SCRN3: variants seen among roughly 807,000 people sequenced by gnomAD.
SCRN3 encodes the protein secernin 3, also known as secernin-3.
A neutral mutation model predicts 43.1 loss-of-function variants in SCRN3; 39 were observed. The ratio of observed to expected loss-of-function variants is 0.91; its 90% confidence interval spans 0.70 to 1.18. The LOEUF (loss-of-function observed/expected upper bound fraction) is 1.18. Among genes scored for constraint, SCRN3 ranks in the 50% most tolerant of loss-of-function variants. SCRN3 has a pLI of 0.00. For missense variants in SCRN3, 484 were observed against 498.0 expected (o/e 0.97, Z 0.27); for synonymous variants, 147 against 163.1 (o/e 0.90, Z 0.75).
At chr2:174,429,705 G>A (rs560858641), downstream of SCRN3, 1 of 152,180 alleles carries the variant, frequency 6.6e-6, no homozygotes, top group East Asian at 1.9e-4. Flanking sequence ...ATTATAAAAT[G>A]ACATGTATCC....
intron 5 of SCRN3, among the ~76,000 whole-genome samples, chr2:174,416,668 A>G (rs183061272): frequency 1.9e-3 from 285 of 152,300 alleles, no homozygotes; most frequent in African/African-American, 6.7e-3. Flanking sequence ...GAAAGTCAAG[A>G]TATTAACTCA....
Position 174,427,932 on chromosome 2 carries a change from C to A in SCRN3, c.*37C>A. 2 of 1,345,380 alleles carry A rather than the reference C, an allele frequency of 1.5e-6. No homozygotes were observed. The highest frequency in any genetic ancestry group is 2.6e-5 in the South Asian group (2 of 76,128). The allele number at this position is 1,345,380 out of a possible 1,614,324, so 83.3% of individuals were successfully genotyped here. A position where few individuals can be genotyped will look rare whatever the true frequency, so the allele number is the denominator to read the frequency against. On this transcript the variant is annotated 3_prime_UTR_variant, in exon 8 of 8. Coordinates refer to ENST00000272732, the MANE Select transcript of SCRN3 (RefSeq NM_024583.5). The stretch of plus-strand genomic sequence containing the variant: ...TCAGCTAATATTAGTTCTTAGTGAT[C>A]AGTGGTCAGTAATCTTCAAAGTCAG...
At chr2:174,414,519 A>G (rs984600923) in intron 5 of SCRN3, among the ~76,000 whole-genome samples, 4 of 152,184 alleles carry the variant, frequency 2.6e-5, no homozygotes, top group Non-Finnish European at 5.9e-5. Flanking sequence ...TATGATGTAG[A>G]TCATTCTGTT....
At chr2:174,425,417 A>G (rs981530409) in intron 7 of SCRN3, among the ~76,000 whole-genome samples, 1 of 152,086 alleles carries the variant, frequency 6.6e-6, no homozygotes, top group Admixed American at 6.6e-5. Context: ...AACCATCTTA[A>G]ATCTTTTCTC....
At chr2:174,402,232 A>G (rs1210252355) in intron 4 of SCRN3, among the ~76,000 whole-genome samples, 1 of 152,228 alleles carries the variant, frequency 6.6e-6, no homozygotes, top group African/African-American at 2.4e-5. Flanking sequence ...AGAACTGAAT[A>G]AATACATTTT....
chr2:174,406,529 C>G (rs374718889), intron 5 of SCRN3, among the ~76,000 whole-genome samples: 1 of 149,934 alleles, frequency 6.7e-6, no homozygotes, highest in African/African-American at 2.4e-5. Flanking sequence ...GCATCCCTGT[C>G]TTGTGCCAGT....
intron 5 of SCRN3, among the ~76,000 whole-genome samples, chr2:174,419,980 A>G (rs969707109): frequency 1.3e-5 from 2 of 152,098 alleles, no homozygotes; most frequent in African/African-American, 4.8e-5. Context: ...AAGAGTACAC[A>G]AAAGAGTAGA....
At chr2:174,400,162 A>C in intron 3 of SCRN3, 59 bp downstream of exon 3, 1 of 1,246,316 alleles carries the variant, frequency 8.0e-7, no homozygotes. Context: ...TTTTTGTGTA[A>C]CTCTTACTTG....
At chr2:174,413,586 CTTTTTTTTTTT>C (rs10524979) in intron 5 of SCRN3, among the ~76,000 whole-genome samples, 1 of 90,226 alleles carries the variant, frequency 1.1e-5, no homozygotes, top group South Asian at 4.4e-4. Context: ...TTTGTCTTTC[CTTTTTTTTTTT>C]TTTTTTTTTT....
intron 5 of SCRN3, among the ~76,000 whole-genome samples, chr2:174,415,087 G>A (rs1269502159): frequency 1.3e-5 from 2 of 152,096 alleles, no homozygotes; most frequent in Non-Finnish European, 2.9e-5. Context: ...CCAGCCCCAT[G>A]ACTATTTTCT....
Position 174,428,423 on chromosome 2 carries a change from C to T in SCRN3, c.*528C>T, listed in dbSNP as rs576313689. 5 of 152,712 alleles carry T rather than the reference C, an allele frequency of 3.3e-5. No homozygotes were observed. The highest frequency in any genetic ancestry group is 9.6e-5 in the African/African-American group (4 of 41,556). The allele number at this position is 152,712 out of a possible 1,614,324, so 9.5% of individuals were successfully genotyped here. On this transcript the variant is annotated 3_prime_UTR_variant, in exon 8 of 8. Transcript: ENST00000272732. ...ATACAGTATATTAGTTCTGCAAATG[C>T]ACTTTTGTTAAACTCAAACATGCTC...
rs569449324 is a variant in SCRN3, at chr2:174,423,008, C to T, written c.878C>T (p.Pro293Leu). The T allele has an allele frequency of 6.2e-7, 1 of 1,613,560 alleles. No homozygotes were observed. Among genetic ancestry groups the T allele is most frequent in the South Asian group, 1.1e-5 (1 of 91,012 alleles). ...VSILPQDSSLPCIHFFTGTPD... is the reference protein window; with the variant it reads ...VSILPQDSSLLCIHFFTGTPD... Reference sequence around the variant, plus strand: ...ATTTTACCTCAAGACTCCAGCCTTCCTTGCATTCACTTCTTTACAGGGACT... The same window carrying T: ...ATTTTACCTCAAGACTCCAGCCTTCTTTGCATTCACTTCTTTACAGGGACT... Residue 293 changes from proline (P) to leucine (L), a missense_variant, in exon 6 of 8, where the codon CCT (proline) becomes CTT (leucine). Transcript: ENST00000272732.
At chr2:174,420,853 T>C (rs1377120537) in intron 5 of SCRN3, among the ~76,000 whole-genome samples, 2 of 151,980 alleles carry the variant, frequency 1.3e-5, no homozygotes, top group Admixed American at 6.6e-5. Context: ...ATACATAAGA[T>C]TGGAGACTCA....
At position 174,404,112 on chromosome 2, in the gene SCRN3, G is replaced by T; in HGVS notation, c.551G>T (p.Arg184Leu). 1 of 1,612,586 alleles carries T rather than the reference G, an allele frequency of 6.2e-7. No individual in the cohort carries two copies. Among genetic ancestry groups the T allele is most frequent in the Non-Finnish European group, 8.5e-7 (1 of 1,178,986 alleles). ...WAAEKVQEGVRNISNQLSITT... is the reference protein window; with the variant it reads ...WAAEKVQEGVLNISNQLSITT... ...TCTTCTTTGAAAATAGAGGGAGTTC[G>T]TAATATTTCTAATCAACTTTCCATA... Residue 184 changes from arginine to leucine, a missense_variant, in exon 5 of 8, where the codon CGT (arginine) becomes CTT (leucine). Transcript: ENST00000272732.
In SCRN3 at chr2:174,395,749, G is replaced by A. The variant is rs200881306; in HGVS notation, c.-78G>A. On this transcript the variant is annotated 5_prime_UTR_variant, in exon 1 of 8. Coordinates refer to ENST00000272732, the MANE Select transcript of SCRN3 (RefSeq NM_024583.5). ...TCCGAGATCAAAGGTGACAGCTTCC[G>A]GCAACTGATGCCTCCACTGGCCACT... The A allele has an allele frequency of 3.8e-6, 6 of 1,594,178 alleles. No individual in the cohort carries two copies. The South Asian group carries it at 4.5e-5, about 12-fold the overall frequency.
At chr2:174,419,808 G>A (rs553187521) in intron 5 of SCRN3, among the ~76,000 whole-genome samples, 1 of 152,242 alleles carries the variant, frequency 6.6e-6, no homozygotes, top group South Asian at 2.1e-4. Context: ...AGAGACTTAT[G>A]TATTTAATAA....
At position 174,429,529 on chromosome 2, in the gene SCRN3, C is replaced by T. The variant is rs79121130; in HGVS notation, c.*1634C>T. On this transcript the variant is annotated 3_prime_UTR_variant, in exon 8 of 8. Transcript: ENST00000272732. ...GAACAGAAAGTACAGAGTTCCAATA[C>T]AGCCCCTATCAGCATACATGCATAG... 22,422 of 152,024 alleles carry T rather than the reference C, an allele frequency of 0.15. 1,761 individuals carry two copies. Among genetic ancestry groups the T allele is most frequent in the Middle Eastern group, 0.33 (95 of 292 alleles). The allele number at this position is 152,024 out of a possible 1,614,324, so 9.4% of individuals were successfully genotyped here. A position where few individuals can be genotyped will look rare whatever the true frequency, so the allele number is the denominator to read the frequency against.
At chr2:174,418,512 T>G (rs988454398) in intron 5 of SCRN3, among the ~76,000 whole-genome samples, 1 of 152,240 alleles carries the variant, frequency 6.6e-6, no homozygotes, top group Non-Finnish European at 1.5e-5. Flanking sequence ...TTTATTTTAC[T>G]GAACCCTGCC....
intron 5 of SCRN3, among the ~76,000 whole-genome samples, chr2:174,412,207 C>A (rs1685944933): frequency 6.6e-6 from 1 of 152,094 alleles, no homozygotes; most frequent in South Asian, 2.1e-4. Flanking sequence ...CTCATTTCAT[C>A]CAGCCTTGTG....
Sources: allele counts gnomAD v4.1 joint callset (sites outside exome capture counted in the v4.1 genomes callset), GRCh38; gene constraint gnomAD v4.1.1; transcripts MANE v1.5; gene names NCBI Gene and HGNC (gene_info 2026-07-23, HGNC 2026-07-21).